Variants in PCDH9 observed in about 807,000 individuals in gnomAD.
PCDH9 encodes protocadherin-9.
A neutral mutation model predicts 70.6 loss-of-function variants in PCDH9; 24 were observed. That is an observed-to-expected ratio of 0.34 (90% CI 0.25 to 0.48). PCDH9 has a LOEUF of 0.48. PCDH9 is among the 20% of genes least tolerant of loss of function. PCDH9 has a pLI of 0.99. For missense variants in PCDH9, 1,281 were observed against 1,503.6 expected, an observed-to-expected ratio of 0.85 and a Z score of 2.45; for synonymous variants, 562 against 558.5, an observed-to-expected ratio of 1.01 and a Z score of -0.09.
intron 2 of PCDH9, among the ~76,000 whole-genome samples, chr13:67,164,052 AC>A (rs2088036655): frequency 6.6e-6 from 1 of 152,282 alleles, no homozygotes; most frequent in East Asian, 1.9e-4. Context: ...ATCCACTCTA[AC>A]AAAATCATGT....
At chr13:66,789,797 T>C (rs2080135910) in intron 3 of PCDH9, among the ~76,000 whole-genome samples, 1 of 152,152 alleles carries the variant, frequency 6.6e-6, no homozygotes, top group Non-Finnish European at 1.5e-5. Context: ...AGAATAGAAT[T>C]TTTGTCAGTG....
intron 3 of PCDH9, among the ~76,000 whole-genome samples, chr13:66,752,914 C>T (rs937061219): frequency 6.6e-6 from 1 of 152,166 alleles, no homozygotes; most frequent in African/African-American, 2.4e-5. Context: ...TGCCAGGCCT[C>T]AGCCATATGT....
intron 3 of PCDH9, among the ~76,000 whole-genome samples, chr13:66,835,575 C>A (rs1395514927): frequency 6.6e-6 from 1 of 152,204 alleles, no homozygotes; most frequent in Non-Finnish European, 1.5e-5. Flanking sequence ...TTTTTGCCCA[C>A]TGAATCTGTG....
intron 2 of PCDH9, among the ~76,000 whole-genome samples, chr13:67,187,552 G>T (rs1270033751): frequency 6.6e-6 from 1 of 152,036 alleles, no homozygotes; most frequent in Non-Finnish European, 1.5e-5. Context: ...TTATTAAGCT[G>T]CATCCTACAT....
At chr13:66,964,406 G>A (rs2083398590) in intron 2 of PCDH9, among the ~76,000 whole-genome samples, 1 of 151,892 alleles carries the variant, frequency 6.6e-6, no homozygotes, top group South Asian at 2.1e-4. Context: ...CACTGAGAGA[G>A]AAAGAAATTC....
intron 4 of PCDH9, among the ~76,000 whole-genome samples, chr13:66,610,210 T>C (rs556464149): frequency 6.6e-6 from 1 of 152,040 alleles, no homozygotes; most frequent in Admixed American, 6.5e-5. Flanking sequence ...TATATTATTA[T>C]CTTAGAAAGA....
chr13:66,316,798 C>A (rs1955660338), intron 4 of PCDH9, among the ~76,000 whole-genome samples: 2 of 152,182 alleles, frequency 1.3e-5, no homozygotes, highest in Non-Finnish European at 2.9e-5. Context: ...TCTTGGCTCA[C>A]TGCAACCTCC....
chr13:66,387,586 C>T (rs1042455381), intron 4 of PCDH9, among the ~76,000 whole-genome samples: 4 of 151,474 alleles, frequency 2.6e-5, no homozygotes, highest in African/African-American at 4.9e-5. Flanking sequence ...CTCCTTTCTC[C>T]GTCTCATCCT....
intron 3 of PCDH9, among the ~76,000 whole-genome samples, chr13:66,822,496 T>A (rs1242364362): frequency 1.3e-5 from 1 of 75,880 alleles, no homozygotes; most frequent in East Asian, 4.5e-4. Flanking sequence ...GTCCTGGAAT[T>A]TTTTTTTTTT....
chr13:66,661,602 C>T (rs1383505248), intron 3 of PCDH9, among the ~76,000 whole-genome samples: 1 of 152,058 alleles, frequency 6.6e-6, no homozygotes, highest in African/African-American at 2.4e-5. Flanking sequence ...TCTGCTAATC[C>T]AAATGAAAAG....
At chr13:67,116,215 C>T (rs1222167544) in intron 2 of PCDH9, among the ~76,000 whole-genome samples, 3 of 152,100 alleles carry the variant, frequency 2.0e-5, no homozygotes, top group Non-Finnish European at 2.9e-5. Context: ...TTGATCACAA[C>T]ATCAACCAGA....
chr13:66,549,554 T>C (rs1961382359), intron 4 of PCDH9, among the ~76,000 whole-genome samples: 1 of 152,138 alleles, frequency 6.6e-6, no homozygotes, highest in Admixed American at 6.6e-5. Flanking sequence ...AAGGTTTTTT[T>C]GGACTGGGTC....
At chr13:67,132,572 T>A (rs1490188225) in intron 2 of PCDH9, among the ~76,000 whole-genome samples, 2 of 152,062 alleles carry the variant, frequency 1.3e-5, no homozygotes, top group Non-Finnish European at 2.9e-5. Flanking sequence ...GGTGGTAACA[T>A]ATAGTTCATA....
chr13:66,423,039 A>C (rs1957597245), intron 4 of PCDH9, among the ~76,000 whole-genome samples: 1 of 152,138 alleles, frequency 6.6e-6, no homozygotes. Flanking sequence ...CTCTACACAA[A>C]ATAAACTAGA....
At chr13:67,124,111 A>G (rs756139532) in intron 2 of PCDH9, among the ~76,000 whole-genome samples, 9 of 152,160 alleles carry the variant, frequency 5.9e-5, no homozygotes, top group Non-Finnish European at 1.3e-4. Flanking sequence ...TAAGGAATCC[A>G]TGGTTTCAAA....
chr13:66,881,728 C>A (rs1450347603), intron 3 of PCDH9, among the ~76,000 whole-genome samples: 1 of 152,074 alleles, frequency 6.6e-6, no homozygotes, highest in Non-Finnish European at 1.5e-5. Flanking sequence ...TTCTGAAACT[C>A]CAGAATTATT....
chr13:66,711,818 C>G (rs2139131157), intron 3 of PCDH9, among the ~76,000 whole-genome samples: 1 of 152,254 alleles, frequency 6.6e-6, no homozygotes, highest in South Asian at 2.1e-4. Flanking sequence ...AGAACATCTG[C>G]TGCAACAGTT....
chr13:66,932,680 A>G (rs2082834125), intron 2 of PCDH9, among the ~76,000 whole-genome samples: 1 of 145,126 alleles, frequency 6.9e-6, no homozygotes, highest in African/African-American at 2.7e-5. Flanking sequence ...ATATATATAT[A>G]TACACACACA....
At chr13:67,039,584 G>C (rs1480207223) in intron 2 of PCDH9, among the ~76,000 whole-genome samples, 1 of 152,052 alleles carries the variant, frequency 6.6e-6, no homozygotes, top group Non-Finnish European at 1.5e-5. Context: ...CCAGTGCTTT[G>C]GTGTTCAGCT....
Sources: allele counts gnomAD v4.1 joint callset (sites outside exome capture counted in the v4.1 genomes callset), GRCh38; gene constraint gnomAD v4.1.1; transcripts MANE v1.5; gene names NCBI Gene and HGNC (gene_info 2026-07-23, HGNC 2026-07-21).